MGAT4C: variants seen among roughly 807,000 people sequenced by gnomAD.
MGAT4C encodes the protein MGAT4 family member C.
A neutral mutation model predicts 40.1 loss-of-function variants in MGAT4C; 19 were observed. That is an observed-to-expected ratio of 0.47 (90% CI 0.33 to 0.70). The LOEUF is 0.70. Among genes scored for constraint, MGAT4C ranks in the 30% least tolerant of loss-of-function variants. The pLI is 0.02. For synonymous variants in MGAT4C, 181 were observed against 187.1 expected, an observed-to-expected ratio of 0.97 and a Z score of 0.27; for missense variants, 491 against 563.2, an observed-to-expected ratio of 0.87 and a Z score of 1.30.
chr12:86,203,853 A>G (rs1479799445), intron 1 of MGAT4C, among the ~76,000 whole-genome samples: 1 of 151,466 alleles, frequency 6.6e-6, no homozygotes, highest in African/African-American at 2.4e-5. Flanking sequence ...GCTACTCAGG[A>G]GGCTGAGGCA....
chr12:86,332,230 T>C (rs1332877793), intron 4 of MGAT4C, among the ~76,000 whole-genome samples: 1 of 152,178 alleles, frequency 6.6e-6, no homozygotes, highest in East Asian at 1.9e-4. Flanking sequence ...AAAAATACTT[T>C]AGAAAGATTT....
chr12:86,172,490 A>AT (rs1886958043), intron 1 of MGAT4C, among the ~76,000 whole-genome samples: 4 of 152,078 alleles, frequency 2.6e-5, no homozygotes, highest in Admixed American at 2.0e-4. Flanking sequence ...GGTAAAACTC[A>AT]TTTTTTTCTT....
intron 2 of MGAT4C, among the ~76,000 whole-genome samples, chr12:86,019,734 A>C (rs1321581167): frequency 6.6e-6 from 1 of 152,136 alleles, no homozygotes; most frequent in East Asian, 1.9e-4. Context: ...GAAGAAAGTC[A>C]TTAGTAGCTT....
At chr12:86,792,531 A>G (rs1023486680) in intron 1 of MGAT4C, among the ~76,000 whole-genome samples, 9 of 152,104 alleles carry the variant, frequency 5.9e-5, no homozygotes, top group Non-Finnish European at 1.0e-4. Context: ...AAATATCAAT[A>G]TCTGGAATTC....
chr12:86,418,157 C>G (rs1207128317), intron 3 of MGAT4C, among the ~76,000 whole-genome samples: 1 of 152,068 alleles, frequency 6.6e-6, no homozygotes, highest in East Asian at 1.9e-4. Flanking sequence ...ATAAAATATT[C>G]TACAATCTTA....
chr12:86,648,039 A>G (rs1335872498), intron 2 of MGAT4C, among the ~76,000 whole-genome samples: 1 of 151,950 alleles, frequency 6.6e-6, no homozygotes, highest in Non-Finnish European at 1.5e-5. Flanking sequence ...TGTGATTGCC[A>G]AATAAATCCT....
intron 1 of MGAT4C, among the ~76,000 whole-genome samples, chr12:86,239,123 A>G (rs1482024122): frequency 6.6e-6 from 1 of 152,076 alleles, no homozygotes; most frequent in East Asian, 1.9e-4. Context: ...GTGTAATAGC[A>G]ACTGCATTAT....
chr12:86,264,996 G>T (rs1952750187), intron 4 of MGAT4C, among the ~76,000 whole-genome samples: 1 of 152,198 alleles, frequency 6.6e-6, no homozygotes, highest in Non-Finnish European at 1.5e-5. Flanking sequence ...TCTTCTGGGC[G>T]CTACTGCGTT....
intron 4 of MGAT4C, among the ~76,000 whole-genome samples, chr12:86,293,567 G>T (rs1953579908): frequency 1.3e-5 from 2 of 152,008 alleles, no homozygotes; most frequent in Non-Finnish European, 2.9e-5. Context: ...CTTTGTTCTT[G>T]TTTTTTAAAT....
intron 4 of MGAT4C, among the ~76,000 whole-genome samples, chr12:86,317,410 G>T (rs538878521): frequency 1.3e-5 from 2 of 152,048 alleles, no homozygotes; most frequent in Admixed American, 1.3e-4. Flanking sequence ...AAACATTTCT[G>T]GTAAGAGAAA....
rs368719768 is a variant in MGAT4C at position 86,203,556 on chromosome 12, A to AT, written c.-57+52682dup. Among the ~76,000 whole-genome samples the AT allele has an allele frequency of 4.3e-4, 65 of 152,182 alleles. 1 individual carries two copies. The highest frequency in any genetic ancestry group is 3.7e-3 in the East Asian group (19 of 5,174). On this transcript the variant is annotated intron_variant, in intron 1 of 4. Transcript: ENST00000611864. ...TAGGTGTTTTGGTAGCTCCAAACTA[A>AT]TTTTTTTCTCCATATCAATGTGCAC...
intron 1 of MGAT4C, among the ~76,000 whole-genome samples, chr12:86,172,973 A>C (rs1210584549): frequency 6.6e-6 from 1 of 152,106 alleles, no homozygotes; most frequent in East Asian, 1.9e-4. Context: ...ACAATCATAA[A>C]ATTATATGCA....
intron 1 of MGAT4C, among the ~76,000 whole-genome samples, chr12:86,833,117 G>A (rs1459630773): frequency 1.3e-5 from 2 of 151,786 alleles, no homozygotes; most frequent in African/African-American, 4.8e-5. Context: ...ACTATCTTGT[G>A]CCATAAAACG....
intron 1 of MGAT4C, among the ~76,000 whole-genome samples, chr12:86,105,632 G>A (rs1461537419): frequency 1.8e-4 from 28 of 151,992 alleles, no homozygotes; most frequent in Admixed American, 1.8e-3. Context: ...TTTTATTAAT[G>A]CAAGTACAAA....
intron 1 of MGAT4C, among the ~76,000 whole-genome samples, chr12:86,804,235 G>A (rs968514934): frequency 7.2e-6 from 1 of 139,504 alleles, no homozygotes; most frequent in Non-Finnish European, 1.5e-5. Flanking sequence ...ATGGACACAG[G>A]AAGGGGAATA....
At chr12:86,294,340 G>A (rs1013210671) in intron 4 of MGAT4C, among the ~76,000 whole-genome samples, 2 of 143,742 alleles carry the variant, frequency 1.4e-5, no homozygotes, top group Middle Eastern at 3.3e-3. Flanking sequence ...GGGAAAAGGT[G>A]TTATTCACAC....
intron 3 of MGAT4C, among the ~76,000 whole-genome samples, chr12:86,356,728 C>T (rs1955321011): frequency 6.6e-6 from 1 of 152,148 alleles, no homozygotes; most frequent in African/African-American, 2.4e-5. Flanking sequence ...TCACTGCTAG[C>T]ACTGCAGTCT....
chr12:86,243,467 T>A (rs939995770), intron 1 of MGAT4C, among the ~76,000 whole-genome samples: 1 of 152,160 alleles, frequency 6.6e-6, no homozygotes, highest in African/African-American at 2.4e-5. Context: ...GCCAATAGAA[T>A]AAGGCAAAGG....
intron 3 of MGAT4C, among the ~76,000 whole-genome samples, chr12:86,343,600 T>C (rs969799118): frequency 1.3e-5 from 2 of 152,176 alleles, no homozygotes; most frequent in Admixed American, 6.6e-5. Flanking sequence ...CATTAAAAAA[T>C]TGAGAAATGC....
Sources: allele counts gnomAD v4.1 joint callset (sites outside exome capture counted in the v4.1 genomes callset), GRCh38; gene constraint gnomAD v4.1.1; transcripts MANE v1.5; gene names NCBI Gene and HGNC (gene_info 2026-07-23, HGNC 2026-07-21).